ERC2: variants seen among roughly 807,000 people sequenced by gnomAD.
ERC2 encodes ERC protein 2.
ERC2 carries 42 observed loss-of-function variants against 114.8 expected under a neutral mutation model. That is an observed-to-expected ratio of 0.37 (90% CI 0.29 to 0.47). ERC2 has a LOEUF of 0.47. Ranked by LOEUF, ERC2 falls within the 20% of genes least tolerant of loss-of-function variation. The pLI, the probability that ERC2 is intolerant of heterozygous loss-of-function variation, is 0.99. For missense variants in ERC2, 939 were observed against 1,150.7 expected (o/e 0.82, Z 2.66); for synonymous variants, 454 against 425.5 (o/e 1.07, Z -0.82).
rs1016714820 is a variant in ERC2 at position 55,896,251 on chromosome 3, T to C, written c.2404-7702A>G. Among the ~76,000 whole-genome samples, 3 of 152,166 alleles carry C rather than the reference T, an allele frequency of 2.0e-5. 1 individual carries two copies. In the South Asian group the frequency reaches 6.2e-4, roughly 32 times the overall value. The stretch of plus-strand genomic sequence containing the variant: ...TCAACAAATTACTTAATCACAATAG[T>C]GATTTTAAAGAAAAGTACTGGGTGG... On this transcript the variant is annotated intron_variant, in intron 13 of 17. Transcript: ENST00000288221.
intron 14 of ERC2, among the ~76,000 whole-genome samples, chr3:55,802,961 C>T (rs369657336): frequency 1.3e-5 from 2 of 152,074 alleles, no homozygotes; most frequent in Non-Finnish European, 1.5e-5. Context: ...AGCTATTGAC[C>T]GTATATCATT....
intron 17 of ERC2, among the ~76,000 whole-genome samples, chr3:55,568,449 C>A (rs1017025233): frequency 4.6e-5 from 7 of 152,234 alleles, no homozygotes; most frequent in Admixed American, 2.0e-4. Flanking sequence ...GTAATCTTCC[C>A]CATTCTGGAT....
chr3:55,840,930 T>C (rs894374457), intron 14 of ERC2, among the ~76,000 whole-genome samples: 3 of 152,026 alleles, frequency 2.0e-5, no homozygotes, highest in Non-Finnish European at 4.4e-5. Context: ...ATAAAGCAGA[T>C]CAGTGCTTGC....
intron 17 of ERC2, among the ~76,000 whole-genome samples, chr3:55,649,408 G>A (rs979353070): frequency 2.0e-5 from 3 of 151,748 alleles, no homozygotes; most frequent in South Asian, 2.1e-4. Context: ...CTACAGGCGC[G>A]CACCACCAGG....
intron 3 of ERC2, among the ~76,000 whole-genome samples, chr3:56,225,238 A>G (rs146139470): frequency 6.6e-6 from 1 of 152,136 alleles, no homozygotes; most frequent in African/African-American, 2.4e-5. Flanking sequence ...ACTAAGGGGG[A>G]AAAAATGAAA....
Position 56,007,202 on chromosome 3 carries a change from T to C in ERC2, c.2040A>G (p.Lys680=). Residue 680 remains lysine (K), a synonymous_variant, in exon 10 of 18, where the codon AAA becomes AAG. Transcript: ENST00000288221. Reference sequence around the variant, plus strand: ...TTACCTTTTTTAACTGTGCTTCCAATTTGCTACATTCCTCTTTCTTTTGTT... The same window carrying C: ...TTACCTTTTTTAACTGTGCTTCCAACTTGCTACATTCCTCTTTCTTTTGTT... The part of the protein sequence containing the change: ...AIEQKKEECS[K]LEAQLKKAHN... 1 of 1,571,260 alleles carries C rather than the reference T, an allele frequency of 6.4e-7. No individual in the cohort carries two copies. The highest frequency in any genetic ancestry group is 8.6e-7 in the Non-Finnish European group (1 of 1,157,116).
At chr3:56,301,422 G>A (rs999491196) in intron 2 of ERC2, among the ~76,000 whole-genome samples, 2 of 152,104 alleles carry the variant, frequency 1.3e-5, no homozygotes, top group Admixed American at 1.3e-4. Context: ...ATACCTTGTA[G>A]ATCCTTGATC....
chr3:55,864,192 TATACACATATATATAC>T, intron 14 of ERC2, among the ~76,000 whole-genome samples: 1 of 144,106 alleles, frequency 6.9e-6, no homozygotes, highest in East Asian at 2.0e-4. Context: ...CACATATATA[TATACACATATATATAC>T]ACACATATAT....
At chr3:56,357,203 C>G (rs1374074321) in intron 2 of ERC2, among the ~76,000 whole-genome samples, 1 of 152,206 alleles carries the variant, frequency 6.6e-6, no homozygotes, top group Non-Finnish European at 1.5e-5. Flanking sequence ...CTTAGCAGTT[C>G]TCCTCTCACC....
chr3:56,301,007 CGGGAGATCAAGAT>C (rs1347474556), intron 2 of ERC2, among the ~76,000 whole-genome samples: 1 of 152,116 alleles, frequency 6.6e-6, no homozygotes, highest in Non-Finnish European at 1.5e-5. Flanking sequence ...CCCAGCACTT[CGGGAGATCAAGAT>C]GGGAGATCAC....
At chr3:55,981,072 C>G (rs1477458452) in intron 12 of ERC2, among the ~76,000 whole-genome samples, 1 of 152,206 alleles carries the variant, frequency 6.6e-6, no homozygotes, top group African/African-American at 2.4e-5. Flanking sequence ...CAAGTCCCAC[C>G]AAGGCTAGGA....
At chr3:56,303,972 G>A (rs548918553) in intron 2 of ERC2, among the ~76,000 whole-genome samples, 1 of 152,140 alleles carries the variant, frequency 6.6e-6, no homozygotes, top group African/African-American at 2.4e-5. Context: ...AAACTTCCAC[G>A]AGTGATGGCC....
intron 17 of ERC2, among the ~76,000 whole-genome samples, chr3:55,576,073 G>A (rs1346299108): frequency 6.6e-6 from 1 of 152,138 alleles, no homozygotes; most frequent in African/African-American, 2.4e-5. Context: ...CACTTTGAGA[G>A]GCCGAGGTGG....
chr3:55,909,674 G>A lies in ERC2; in HGVS notation c.2404-21125C>T, dbSNP rs539001108. 5.3e-5 allele frequency among the ~76,000 whole-genome samples: 8 copies of A among 152,146 alleles called. No individual in the cohort carries two copies. In the South Asian group the frequency reaches 6.2e-4, roughly 12 times the overall value. Reference sequence around the variant, plus strand: ...CTTTGGCACGGACCCTGAGCATCCCGGAGGCAGCCACCCTGGGACAAAGAC... The same window carrying A: ...CTTTGGCACGGACCCTGAGCATCCCAGAGGCAGCCACCCTGGGACAAAGAC... On this transcript the variant is annotated intron_variant, in intron 13 of 17. Coordinates refer to ENST00000288221, the MANE Select transcript of ERC2 (RefSeq NM_015576.3).
chr3:55,615,251 A>G (rs1423293678), intron 17 of ERC2, among the ~76,000 whole-genome samples: 2 of 152,210 alleles, frequency 1.3e-5, no homozygotes, highest in African/African-American at 4.8e-5. Context: ...AAAATAAAAT[A>G]CCCAGAGCCT....
At position 55,887,486 on chromosome 3, in the gene ERC2, G is replaced by A. The variant is rs113985042; in HGVS notation, c.2564+903C>T. Among the ~76,000 whole-genome samples the A allele has an allele frequency of 1.4e-3, 215 of 152,254 alleles. 1 individual carries two copies. The highest frequency in any genetic ancestry group is 6.8e-3 in the Middle Eastern group (2 of 294). ...GTCTGTGTTATAGGCTTAAGATGCC[G>A]TAATTATGTATGTTTCCCCTTACTG... is the stretch of plus-strand genomic sequence containing the variant. On this transcript the variant is annotated intron_variant, in intron 14 of 17. Transcript: ENST00000288221.
At chr3:55,945,588 CCT>C (rs1221980405) in intron 13 of ERC2, among the ~76,000 whole-genome samples, 1 of 152,154 alleles carries the variant, frequency 6.6e-6, no homozygotes, top group African/African-American at 2.4e-5. Flanking sequence ...TGTTACACTT[CCT>C]CTGTTAGCTG....
intron 3 of ERC2, among the ~76,000 whole-genome samples, chr3:56,189,021 CTT>C (rs529167581): frequency 7.6e-4 from 115 of 152,278 alleles, no homozygotes; most frequent in African/African-American, 2.7e-3. Context: ...ACACCCCAAA[CTT>C]AGGAGGTAAG....
chr3:55,902,280 A>G (rs569750685), intron 13 of ERC2, among the ~76,000 whole-genome samples: 3 of 152,180 alleles, frequency 2.0e-5, no homozygotes, highest in Non-Finnish European at 4.4e-5. Context: ...AAAACATTTT[A>G]TAGGGGCTTT....
Sources: gnomAD v4.1 joint callset for allele counts (sites outside exome capture counted in the v4.1 genomes callset) on GRCh38, gnomAD v4.1.1 for gene constraint, MANE v1.5 for transcripts, NCBI Gene and HGNC (gene_info 2026-07-23, HGNC 2026-07-21) for gene names.